The following LAMA4 variants were observed in gnomAD, a reference collection of about 807,000 sequenced individuals.
LAMA4 encodes laminin subunit alpha-4.
A neutral mutation model predicts 207.1 loss-of-function variants in LAMA4; 127 were observed. The ratio of observed to expected loss-of-function variants is 0.61; its 90% CI spans 0.53 to 0.71. The LOEUF is 0.71. LAMA4 is among the 30% of genes least tolerant of loss of function. LAMA4 has a pLI of 0.00. For synonymous variants in LAMA4, 761 were observed against 816.0 expected (o/e 0.93, Z 1.15); for missense variants, 2,093 against 2,246.5 (o/e 0.93, Z 1.38).
chr6:112,237,313 A>G (rs1786004791), intron 2 of LAMA4, among the ~76,000 whole-genome samples: 1 of 152,250 alleles, frequency 6.6e-6, no homozygotes, highest in South Asian at 2.1e-4. Context: ...GGCCCAAGGC[A>G]GACGTGTGTA....
chr6:112,228,867 T>TG (rs531976424), intron 2 of LAMA4, among the ~76,000 whole-genome samples: 118 of 152,254 alleles, frequency 7.8e-4, no homozygotes, highest in African/African-American at 2.7e-3. Context: ...ATTCTGGATC[T>TG]GGGGGGACAG....
At chr6:112,241,136 G>GAATATATATAT (rs1562101883) in intron 2 of LAMA4, among the ~76,000 whole-genome samples, 4 of 61,964 alleles carry the variant, frequency 6.5e-5, no homozygotes, top group South Asian at 5.0e-4. Context: ...TGAATATATA[G>GAATATATATAT]GAATATATAT....
In LAMA4 at chr6:112,121,520, G is replaced by A. The variant is rs782335243; in HGVS notation, c.4475+494C>T. Among the ~76,000 whole-genome samples, 91 of 152,328 alleles carry A rather than the reference G, an allele frequency of 6.0e-4. 1 individual carries two copies. Among genetic ancestry groups the A allele is most frequent in the Middle Eastern group, 3.4e-3 (1 of 294 alleles). On this transcript the variant is annotated intron_variant, in intron 32 of 38. Transcript: ENST00000230538. ...CTAAAACTGTAAAAATAATTCTTCAGTAATATCAGATAACCTGGAGATTTG... is the reference window on the plus strand; with the variant it reads ...CTAAAACTGTAAAAATAATTCTTCAATAATATCAGATAACCTGGAGATTTG...
intron 31 of LAMA4, among the ~76,000 whole-genome samples, chr6:112,127,808 C>T (rs75814857): frequency 0.011 from 1,599 of 152,204 alleles, 25 homozygotes; most frequent in African/African-American, 0.034. Flanking sequence ...GACACCTGAG[C>T]ACACTCTTAA....
At chr6:112,228,442 C>T (rs1219910242) in intron 2 of LAMA4, among the ~76,000 whole-genome samples, 3 of 152,142 alleles carry the variant, frequency 2.0e-5, no homozygotes, top group Admixed American at 6.5e-5. Flanking sequence ...GGGCTTGTCA[C>T]TGAGGTAGTC....
At chr6:112,138,627 AT>A in intron 24 of LAMA4, among the ~76,000 whole-genome samples, 1 of 151,876 alleles carries the variant, frequency 6.6e-6, no homozygotes, top group Non-Finnish European at 1.5e-5. Context: ...TCTTTATATA[AT>A]TTGTCCTTTA....
intron 2 of LAMA4, among the ~76,000 whole-genome samples, chr6:112,239,767 A>G (rs1786244659): frequency 6.6e-6 from 1 of 152,160 alleles, no homozygotes; most frequent in African/African-American, 2.4e-5. Flanking sequence ...ATGTTTCTTT[A>G]AGTCTGACTT....
chr6:112,143,293 T>C (rs1251705490), intron 19 of LAMA4, among the ~76,000 whole-genome samples: 1 of 150,674 alleles, frequency 6.6e-6, no homozygotes, highest in Non-Finnish European at 1.5e-5. Flanking sequence ...ACTTTTTTTT[T>C]TTTTTTTTTT....
chr6:112,246,878 T>G (rs1017427179), intron 2 of LAMA4, among the ~76,000 whole-genome samples: 1 of 152,200 alleles, frequency 6.6e-6, no homozygotes, highest in African/African-American at 2.4e-5. Flanking sequence ...TCTTAACTGC[T>G]CAGATCCTCC....
At position 112,134,450 on chromosome 6, in the gene LAMA4, T is replaced by C. The variant is rs782392358; in HGVS notation, c.3557+17A>G. ...TACATTGCTAGGAACAAACAGCTAC[T>C]TAACAAAAAGCCTTACCTGGATTGT... On this transcript the variant is annotated intron_variant, in intron 26 of 38. Coordinates refer to ENST00000230538, the MANE Select transcript of LAMA4 (RefSeq NM_001105206.3). The C allele has an allele frequency of 5.0e-6, 8 of 1,612,952 alleles. No homozygotes were observed. The highest frequency in any genetic ancestry group is 1.6e-4 in the Middle Eastern group (1 of 6,080).
At chr6:112,180,028 C>A in intron 9 of LAMA4, 1 of 432,630 alleles carries the variant, frequency 2.3e-6, no homozygotes, top group Non-Finnish European at 4.7e-6. Context: ...ATTACTCCTC[C>A]CTGCTTTTAA....
intron 2 of LAMA4, 32 bp from the exon 3 acceptor site, chr6:112,216,501 T>C (rs1284937886): frequency 1.4e-5 from 20 of 1,406,446 alleles, no homozygotes; most frequent in Non-Finnish European, 1.9e-5. Flanking sequence ...ATTTTGATTA[T>C]TGAAAAGATT....
intron 2 of LAMA4, among the ~76,000 whole-genome samples, chr6:112,239,058 T>C (rs1786160045): frequency 6.6e-6 from 1 of 152,158 alleles, no homozygotes; most frequent in Non-Finnish European, 1.5e-5. Context: ...CGGTGGCTCA[T>C]GCCTGTAATC....
intron 2 of LAMA4, among the ~76,000 whole-genome samples, chr6:112,251,096 C>A (rs1787417860): frequency 6.6e-6 from 1 of 152,188 alleles, no homozygotes; most frequent in Non-Finnish European, 1.5e-5. Flanking sequence ...GATTAAGTGT[C>A]AAGAAGCAAA....
chr6:112,234,768 T>C (rs1554365487), intron 2 of LAMA4: 1 of 152,168 alleles, frequency 6.6e-6, no homozygotes, highest in Non-Finnish European at 1.5e-5. Flanking sequence ...CACTTTGATA[T>C]ACTGCATGTC....
intron 30 of LAMA4, 117 bp from the exon 31 acceptor site, chr6:112,129,192 G>A: frequency 1.2e-6 from 1 of 811,782 alleles, no homozygotes. Flanking sequence ...GTGTGCATGT[G>A]TGTGTGTGTG....
intron 3 of LAMA4, among the ~76,000 whole-genome samples, chr6:112,215,734 G>A (rs1266173119): frequency 6.6e-6 from 1 of 152,258 alleles, no homozygotes; most frequent in South Asian, 2.1e-4. Context: ...GTACTTTTCT[G>A]CTGGAAGACT....
chr6:112,250,307 C>A (rs935996701), intron 2 of LAMA4, among the ~76,000 whole-genome samples: 5 of 152,152 alleles, frequency 3.3e-5, no homozygotes, highest in Non-Finnish European at 7.3e-5. Context: ...ATTCTGCAAT[C>A]TTTTAATGGC....
At chr6:112,114,417 T>G (rs1342090923) in intron 37 of LAMA4, among the ~76,000 whole-genome samples, 1 of 152,210 alleles carries the variant, frequency 6.6e-6, no homozygotes, top group Non-Finnish European at 1.5e-5. Flanking sequence ...ATTCTTGTGC[T>G]ACTTTTTTTT....
Sources: allele counts gnomAD v4.1 joint callset (sites outside exome capture counted in the v4.1 genomes callset), GRCh38; gene constraint gnomAD v4.1.1; transcripts MANE v1.5; gene names NCBI Gene and HGNC (gene_info 2026-07-23, HGNC 2026-07-21).